The following PAPPA2 variants were observed in gnomAD, a reference collection of about 807,000 sequenced individuals.
PAPPA2 encodes pappalysin 2, also known as pappalysin-2.
A neutral mutation model predicts 176.4 loss-of-function variants in PAPPA2; 86 were observed. The observed-to-expected ratio is 0.49, with a 90% CI of 0.41 to 0.58. The LOEUF is 0.58. PAPPA2 is among the 20% of genes least tolerant of loss of function. The probability of loss-of-function intolerance (pLI) is 0.00; values close to 1 mark genes in which losing one functional copy is unlikely to be tolerated. For synonymous variants in PAPPA2, 809 were observed against 852.2 expected, an observed-to-expected ratio of 0.95 and a Z score of 0.88; for missense variants, 2,073 against 2,256.9, an observed-to-expected ratio of 0.92 and a Z score of 1.65.
intron 4 of PAPPA2, among the ~76,000 whole-genome samples, chr1:176,675,074 C>G (rs958035004): frequency 8.6e-5 from 13 of 151,936 alleles, no homozygotes; most frequent in African/African-American, 2.9e-4. Flanking sequence ...TGGTCATGAA[C>G]TCTTTGCCTA....
At chr1:176,504,637 T>G (rs1338814656) in intron 1 of PAPPA2, among the ~76,000 whole-genome samples, 1 of 152,154 alleles carries the variant, frequency 6.6e-6, no homozygotes, top group Non-Finnish European at 1.5e-5. Flanking sequence ...AGACAGAAGA[T>G]CAGTTGCTGT....
At chr1:176,513,883 G>A (rs566344732) in intron 1 of PAPPA2, among the ~76,000 whole-genome samples, 6 of 152,242 alleles carry the variant, frequency 3.9e-5, no homozygotes, top group African/African-American at 9.6e-5. Context: ...CAGCTGAAGC[G>A]AGCATGCTGT....
At chr1:176,594,426 C>T in intron 2 of PAPPA2, 98 bp from the exon 3 acceptor site, 2 of 1,036,686 alleles carry the variant, frequency 1.9e-6, no homozygotes, top group Non-Finnish European at 2.8e-6. Flanking sequence ...CATTAAAAAC[C>T]TGCATTCTTG....
intron 1 of PAPPA2, among the ~76,000 whole-genome samples, chr1:176,465,822 A>G (rs1651594356): frequency 6.6e-6 from 1 of 151,678 alleles, no homozygotes; most frequent in Non-Finnish European, 1.5e-5. Context: ...GGTAGGCCCC[A>G]GTGTGTGTTG....
chr1:176,597,376 T>C (rs982567173), intron 3 of PAPPA2, among the ~76,000 whole-genome samples: 2 of 152,190 alleles, frequency 1.3e-5, no homozygotes, highest in African/African-American at 4.8e-5. Flanking sequence ...TAAGATTAGT[T>C]CTTATTATTA....
chr1:176,476,799 T>G (rs542529869), intron 1 of PAPPA2, among the ~76,000 whole-genome samples: 1 of 152,252 alleles, frequency 6.6e-6, no homozygotes, highest in Admixed American at 6.5e-5. Context: ...TCTGTATGTA[T>G]AGGGAGGATG....
chr1:176,515,567 C>T (rs1223694742), intron 1 of PAPPA2, among the ~76,000 whole-genome samples: 4 of 152,196 alleles, frequency 2.6e-5, no homozygotes, highest in Non-Finnish European at 5.9e-5. Context: ...GACTCATCAA[C>T]AAGACAAACT....
In PAPPA2 at chr1:176,515,136, G is replaced by C. The variant is rs143155079; in HGVS notation, c.-916-40271G>C. ...TATATACCTCCTAAGAGTAATGAGA[G>C]TGCCAATAAAACACTGAGTGCAATA... On this transcript the variant is annotated intron_variant, in intron 1 of 22. Coordinates refer to ENST00000367662, the MANE Select transcript of PAPPA2 (RefSeq NM_020318.3). Among the ~76,000 whole-genome samples, 1,204 of 152,290 alleles carry C rather than the reference G, an allele frequency of 7.9e-3. 8 individuals carry two copies. Among genetic ancestry groups the C allele is most frequent in the Middle Eastern group, 0.017 (5 of 294 alleles).
chr1:176,481,498 C>A (rs950450578), intron 1 of PAPPA2, among the ~76,000 whole-genome samples: 1 of 152,092 alleles, frequency 6.6e-6, no homozygotes, highest in Non-Finnish European at 1.5e-5. Flanking sequence ...AGTGGTTTAA[C>A]ATGCACTTGT....
chr1:176,616,753 T>A, intron 3 of PAPPA2: 1 of 1,229,606 alleles, frequency 8.1e-7, no homozygotes, highest in Non-Finnish European at 1.2e-6. Context: ...TTCTTGTATG[T>A]GACTTTCACA....
intron 1 of PAPPA2, among the ~76,000 whole-genome samples, chr1:176,532,016 A>G (rs1483056061): frequency 6.6e-6 from 1 of 152,176 alleles, no homozygotes; most frequent in Non-Finnish European, 1.5e-5. Context: ...GTGGTGCTGA[A>G]GAAAAGCTGT....
At chr1:176,731,877 G>C (rs1662174852) in intron 12 of PAPPA2, among the ~76,000 whole-genome samples, 1 of 151,962 alleles carries the variant, frequency 6.6e-6, no homozygotes, top group Non-Finnish European at 1.5e-5. Context: ...GATAAACAAT[G>C]AATTTTTTTT....
intron 3 of PAPPA2, among the ~76,000 whole-genome samples, chr1:176,670,323 A>G (rs1658917390): frequency 6.6e-6 from 1 of 152,226 alleles, no homozygotes; most frequent in South Asian, 2.1e-4. Context: ...ACCAATAAAC[A>G]TACTAGGTAT....
At chr1:176,618,492 TTGA>T (rs762504510) in intron 3 of PAPPA2, among the ~76,000 whole-genome samples, 1 of 152,240 alleles carries the variant, frequency 6.6e-6, no homozygotes, top group Non-Finnish European at 1.5e-5. Context: ...TCCATATTAG[TTGA>T]TATTTTAATT....
At chr1:176,605,870 G>A (rs971084482) in intron 3 of PAPPA2, among the ~76,000 whole-genome samples, 1 of 152,118 alleles carries the variant, frequency 6.6e-6, no homozygotes, top group Non-Finnish European at 1.5e-5. Flanking sequence ...ACTTGAGGAT[G>A]AAGCTTCTGA....
chr1:176,774,760 T>A (rs1242203523), intron 17 of PAPPA2, among the ~76,000 whole-genome samples: 1 of 141,520 alleles, frequency 7.1e-6, no homozygotes, highest in East Asian at 1.9e-4. Context: ...CCTGCCACTC[T>A]ATTTAAGGGG....
At chr1:176,696,376 C>A (rs1469768933) in intron 7 of PAPPA2, among the ~76,000 whole-genome samples, 1 of 151,868 alleles carries the variant, frequency 6.6e-6, no homozygotes, top group Non-Finnish European at 1.5e-5. Context: ...GGTGGGGAGA[C>A]CAGGTGTTCC....
intron 3 of PAPPA2, among the ~76,000 whole-genome samples, chr1:176,638,782 A>T (rs941821208): frequency 6.6e-6 from 1 of 151,912 alleles, no homozygotes; most frequent in South Asian, 2.1e-4. Context: ...AAGTTCCTCC[A>T]ATAAATTATA....
intron 1 of PAPPA2, among the ~76,000 whole-genome samples, chr1:176,553,888 C>T (rs1031631991): frequency 6.6e-6 from 1 of 152,000 alleles, no homozygotes; most frequent in African/African-American, 2.4e-5. Context: ...CTCTTTCTCT[C>T]TCTCTCTCCC....
Sources: gnomAD v4.1 joint callset for allele counts (sites outside exome capture counted in the v4.1 genomes callset) on GRCh38, gnomAD v4.1.1 for gene constraint, MANE v1.5 for transcripts, NCBI Gene and HGNC (gene_info 2026-07-23, HGNC 2026-07-21) for gene names.